Variants in JCAD observed in about 807,000 individuals in gnomAD.
The protein encoded by JCAD is junctional cadherin 5-associated protein.
JCAD carries 40 observed loss-of-function variants against 98.0 expected under a neutral mutation model. That is an observed-to-expected ratio of 0.41 (90% CI 0.32 to 0.53). The LOEUF is 0.53. Among genes scored for constraint, JCAD ranks in the 20% least tolerant of loss-of-function variants. The pLI is 0.31. For missense variants in JCAD, 1,705 were observed against 1,738.1 expected, an observed-to-expected ratio of 0.98 and a Z score of 0.34; for synonymous variants, 691 against 682.3, an observed-to-expected ratio of 1.01 and a Z score of -0.20.
chr10:30,059,642 G>GCCCGCCCCGCCCACC (rs1374047863), upstream of JCAD: 3 of 152,522 alleles, frequency 2.0e-5, no homozygotes, highest in South Asian at 1.8e-4. This position sits in a 1 kb window ranked among gnomAD's most constrained non-coding sequence, Gnocchi z 5.0. Flanking sequence ...CACCGCCCGG[G>GCCCGCCCCGCCCACC]GCTGCCTCCT....
In JCAD at chr10:30,017,768, TA is replaced by T; in HGVS notation, c.*114del. ...GTGGTAAAGAATGTTATCAGGATGC[TA>T]AAAACTCAGCAGCTTCCAGCTTCTA... On this transcript the variant is annotated 3_prime_UTR_variant, in exon 4 of 4. Transcript: ENST00000375377. The T allele has an allele frequency of 1.1e-6, 1 of 950,682 alleles. No homozygotes were observed. Among genetic ancestry groups the T allele is most frequent in the Non-Finnish European group, 1.7e-6 (1 of 589,954 alleles). 58.9% of individuals were successfully genotyped at this position (950,682 alleles called of 1,614,324 possible).
intron 2 of JCAD, among the ~76,000 whole-genome samples, chr10:30,065,771 G>C (rs1010096744): frequency 6.6e-6 from 1 of 152,152 alleles, no homozygotes; most frequent in Non-Finnish European, 1.5e-5. Flanking sequence ...AAAGTGGTGG[G>C]ATTAGAGGCA....
chr10:30,104,126 T>A (rs1166658676), intron 1 of JCAD, among the ~76,000 whole-genome samples: 1 of 152,210 alleles, frequency 6.6e-6, no homozygotes, highest in Admixed American at 6.5e-5. Flanking sequence ...TGGGGGCATG[T>A]GGCTCATTCA....
At chr10:30,038,844 T>C (rs1011249313) in intron 2 of JCAD, among the ~76,000 whole-genome samples, 4 of 151,730 alleles carry the variant, frequency 2.6e-5, no homozygotes, top group South Asian at 2.1e-4. Flanking sequence ...GGAGAAAAGG[T>C]AGGTGGAGCT....
chr10:30,112,564 A>G (rs1048257707), intron 1 of JCAD, among the ~76,000 whole-genome samples: 5 of 152,196 alleles, frequency 3.3e-5, no homozygotes, highest in Admixed American at 2.0e-4. Context: ...CACATAATGT[A>G]TGATTTCATT....
At chr10:30,037,934 TAAAAAAAAAAAA>T (rs57504197) in intron 2 of JCAD, among the ~76,000 whole-genome samples, 2 of 109,330 alleles carry the variant, frequency 1.8e-5, no homozygotes, top group African/African-American at 3.4e-5. Flanking sequence ...ATGGAAAAAT[TAAAAAAAAAAAA>T]AAAAAAAAAG....
intron 1 of JCAD, among the ~76,000 whole-genome samples, chr10:30,111,036 C>T (rs540959786): frequency 5.3e-5 from 8 of 152,086 alleles, no homozygotes; most frequent in Non-Finnish European, 8.8e-5. Flanking sequence ...GATGTATAGA[C>T]CCCTGATGTA....
chr10:30,047,592 C>T lies in JCAD; in HGVS notation c.221G>A (p.Ser74Asn), dbSNP rs1837370215. The T allele has an allele frequency of 1.2e-6, 2 of 1,614,170 alleles. No individual in the cohort carries two copies. Among genetic ancestry groups the T allele is most frequent in the Non-Finnish European group, 1.7e-6 (2 of 1,180,036 alleles). ...GGGCTCCCCGTGGCCTCTCGGTGTGCTGCGGCGGCTTTCGGAGTCACTCAC... is the reference window on the plus strand; with the variant it reads ...GGGCTCCCCGTGGCCTCTCGGTGTGTTGCGGCGGCTTTCGGAGTCACTCAC... ...GHVSDSESRR[S>N]TPRGHGEPQS... is the part of the protein sequence containing the mutation. The change falls in exon 2 of 4, where the codon AGC becomes AAC. Residue 74 changes from serine to asparagine, a missense_variant. Ser to Asn is a conservative substitution (Grantham distance 46, BLOSUM62 1). This residue lies in a region of JCAD where 152 missense variants were observed against 148.0 expected (regional missense o/e 1.03). Coordinates refer to ENST00000375377, the MANE Select transcript of JCAD (RefSeq NM_020848.4).
intron 1 of JCAD, among the ~76,000 whole-genome samples, chr10:30,104,770 A>G (rs773349103): frequency 3.4e-5 from 5 of 147,126 alleles, no homozygotes; most frequent in Non-Finnish European, 7.5e-5. Context: ...ATGCTTGTCA[A>G]AAGTTTTTTG....
chr10:30,065,098 G>T (rs1837761514), intron 2 of JCAD, among the ~76,000 whole-genome samples: 1 of 152,224 alleles, frequency 6.6e-6, no homozygotes, highest in Admixed American at 6.5e-5. Flanking sequence ...GTGGGTACCA[G>T]AGGCCAGGAA....
chr10:30,025,766 G>A (rs1836776997), intron 3 of JCAD, among the ~76,000 whole-genome samples: 1 of 151,824 alleles, frequency 6.6e-6, no homozygotes, highest in Non-Finnish European at 1.5e-5. Flanking sequence ...GTGCATGCCT[G>A]TGGCCCCAGC....
chr10:30,043,133 A>G (rs1417698306), intron 2 of JCAD, among the ~76,000 whole-genome samples: 1 of 152,230 alleles, frequency 6.6e-6, no homozygotes, highest in East Asian at 1.9e-4. Flanking sequence ...TCTCCCCAAC[A>G]GAATTGTCAT....
At chr10:30,037,889 C>T (rs1376262887) in intron 2 of JCAD, among the ~76,000 whole-genome samples, 3 of 143,060 alleles carry the variant, frequency 2.1e-5, no homozygotes, top group Non-Finnish European at 4.5e-5. Flanking sequence ...TGAACTCCTG[C>T]GCTTGGGTCT....
At position 30,014,098 on chromosome 10, in the gene JCAD, C is replaced by T. The variant is rs965408182; in HGVS notation, c.*3785G>A. 5 of 152,152 alleles carry T rather than the reference C, an allele frequency of 3.3e-5. No homozygotes were observed. The highest frequency in any genetic ancestry group is 5.9e-5 in the Non-Finnish European group (4 of 68,032). The allele number at this position is 152,152 out of a possible 1,614,324, so 9.4% of individuals were successfully genotyped here. ...TTAGTGTGGTGGGTCCCAGAGTGGACCAACCCACACTCCTGGAGAAGGACC... is the reference window on the plus strand; with the variant it reads ...TTAGTGTGGTGGGTCCCAGAGTGGATCAACCCACACTCCTGGAGAAGGACC... On this transcript the variant is annotated 3_prime_UTR_variant, in exon 4 of 4. Coordinates refer to ENST00000375377, the MANE Select transcript of JCAD (RefSeq NM_020848.4).
At chr10:30,079,120 G>T (rs753447605) in intron 1 of JCAD, among the ~76,000 whole-genome samples, 2 of 152,088 alleles carry the variant, frequency 1.3e-5, no homozygotes, top group African/African-American at 4.8e-5. Context: ...TAATCATCTT[G>T]GGAGGCCGAG....
rs372754797 is a variant in JCAD at position 30,026,756 on chromosome 10, C to T, written c.3392G>A (p.Arg1131His). The part of the protein sequence containing the change: ...PESPQEELLS[R>H]PAPADVPRVS... ...CCTGGGGACATCTGCCGGTGCTGGG[C>T]GAGATAGCAACTCTTCCTGGGGGGA... is the stretch of plus-strand genomic sequence containing the variant. The change falls in exon 3 of 4, where the codon CGC (arginine) becomes CAC (histidine). Residue 1131 changes from arginine to histidine, a missense_variant. Coordinates refer to ENST00000375377, the MANE Select transcript of JCAD (RefSeq NM_020848.4). The T allele has an allele frequency of 1.4e-4, 219 of 1,614,040 alleles. No homozygotes were observed. Among genetic ancestry groups the T allele is most frequent in the Middle Eastern group, 4.9e-4 (3 of 6,078 alleles).
intron 1 of JCAD, among the ~76,000 whole-genome samples, chr10:30,055,563 C>A (rs1837554097): frequency 6.6e-6 from 1 of 152,224 alleles, no homozygotes; most frequent in African/African-American, 2.4e-5. Context: ...AGTTGAAGTC[C>A]TGGGACACCA....
rs1384210498 is a variant in JCAD at position 30,028,784 on chromosome 10, G to A, written c.1364C>T (p.Ser455Phe). 2 of 1,614,222 alleles carry A rather than the reference G, an allele frequency of 1.2e-6. No individual in the cohort carries two copies. Among genetic ancestry groups the A allele is most frequent in the South Asian group, 2.2e-5 (2 of 91,084 alleles). ...DIKLDDKSYN[S>F]SPVTAQEPAH... ...CGGCTCTTGAGCAGTGACAGGACTG[G>A]AGTTATATGATTTATCGTCAAGCTT... is the stretch of plus-strand genomic sequence containing the variant. Residue 455 changes from serine (S) to phenylalanine (F), a missense_variant, in exon 3 of 4, where the codon TCC (serine) becomes TTC (phenylalanine). Ser to Phe is a radical substitution (Grantham distance 155). Around this residue, in one of 3 missense-constraint regions of JCAD, gnomAD observed 1,278 missense variants for 1,243.1 expected, o/e 1.03. Transcript: ENST00000375377.
At position 30,029,005 on chromosome 10, in the gene JCAD, C is replaced by T; in HGVS notation, c.1143G>A (p.Gly381=). ...GGCCTGAAGGAGGCTGACCGCTGGC[C>T]CCAGCCTTCTCGGTCGGAGACTGCT... is the stretch of plus-strand genomic sequence containing the variant. ...SQQQSPTEKA[G]ASGQPPSGPP... Residue 381 remains glycine (G), a synonymous_variant, in exon 3 of 4, where the codon GGG becomes GGA. Transcript: ENST00000375377. 1 of 1,614,050 alleles carries T rather than the reference C, an allele frequency of 6.2e-7. No homozygotes were observed. Among genetic ancestry groups the T allele is most frequent in the Non-Finnish European group, 8.5e-7 (1 of 1,180,022 alleles).
Sources: allele counts gnomAD v4.1 joint callset (sites outside exome capture counted in the v4.1 genomes callset), GRCh38; gene constraint gnomAD v4.1.1; regional missense constraint gnomAD v4.1.1; non-coding constraint Gnocchi (gnomAD v3.1); transcripts MANE v1.5; gene names NCBI Gene and HGNC (gene_info 2026-07-23, HGNC 2026-07-21).